MMP16: variants seen among roughly 807,000 people sequenced by gnomAD.
MMP16 encodes the protein matrix metallopeptidase 16.
In MMP16, 12 loss-of-function variants were observed where a neutral mutation model predicts 67.8. The observed-to-expected ratio is 0.18, with a 90% CI of 0.11 to 0.29. MMP16 has a LOEUF of 0.29. Among genes scored for constraint, MMP16 ranks in the 10% least tolerant of loss-of-function variants. The probability of loss-of-function intolerance (pLI) is 1.00; values close to 1 mark genes in which losing one functional copy is unlikely to be tolerated. For synonymous variants in MMP16, 249 were observed against 255.9 expected (o/e 0.97, Z 0.26); for missense variants, 475 against 765.7 (o/e 0.62, Z 4.48).
intron 6 of MMP16, among the ~76,000 whole-genome samples, chr8:88,079,670 C>T (rs1461734387): frequency 6.6e-6 from 1 of 152,158 alleles, no homozygotes; most frequent in Non-Finnish European, 1.5e-5. Context: ...GTTTGTGTCC[C>T]TTCAAATTCT....
At chr8:88,128,554 G>A (rs1263161766) in intron 4 of MMP16, among the ~76,000 whole-genome samples, 3 of 151,268 alleles carry the variant, frequency 2.0e-5, no homozygotes, top group Admixed American at 1.3e-4. Context: ...ACATATTATC[G>A]CAGACTCTTG....
At chr8:88,240,068 CACTT>C (rs889992537) in intron 1 of MMP16, among the ~76,000 whole-genome samples, 44 of 152,270 alleles carry the variant, frequency 2.9e-4, no homozygotes, top group Admixed American at 5.2e-4. Context: ...TTCACTTACT[CACTT>C]AGTGTTGGGA....
chr8:88,267,198 T>C (rs933649480), intron 1 of MMP16, among the ~76,000 whole-genome samples: 23 of 152,222 alleles, frequency 1.5e-4, no homozygotes, highest in African/African-American at 5.1e-4. Flanking sequence ...CAAAACAGTT[T>C]AGAAAATATG....
At chr8:88,127,313 A>G (rs1807951300) in intron 4 of MMP16, among the ~76,000 whole-genome samples, 1 of 151,834 alleles carries the variant, frequency 6.6e-6, no homozygotes. Flanking sequence ...GTATGCAAAT[A>G]TGATTGGAGT....
intron 4 of MMP16, among the ~76,000 whole-genome samples, chr8:88,161,802 G>T (rs760546969): frequency 1.3e-5 from 2 of 151,930 alleles, no homozygotes; most frequent in African/African-American, 4.8e-5. Flanking sequence ...CCTTCATTTC[G>T]TTATGCACCC....
At chr8:88,207,434 C>A (rs1809446564) in intron 1 of MMP16, among the ~76,000 whole-genome samples, 1 of 152,110 alleles carries the variant, frequency 6.6e-6, no homozygotes, top group Non-Finnish European at 1.5e-5. Context: ...TTGCATATCT[C>A]AGTAAAAAGT....
At chr8:88,101,613 C>T (rs1809147008) in intron 6 of MMP16, among the ~76,000 whole-genome samples, 1 of 151,768 alleles carries the variant, frequency 6.6e-6, no homozygotes, top group Non-Finnish European at 1.5e-5. Context: ...GCACCGCAGC[C>T]CAAAGAATGC....
chr8:88,274,541 C>T (rs1470446299), intron 1 of MMP16, among the ~76,000 whole-genome samples: 2 of 151,894 alleles, frequency 1.3e-5, no homozygotes, highest in Non-Finnish European at 2.9e-5. Context: ...AAAGTAGATA[C>T]TAAAAAGAAA....
rs1265301517 is a variant in MMP16 at position 88,040,887 on chromosome 8, G to A, written c.*574C>T. ...TCCCACCTGACAAAATGGTGCGTAGGAGACTATCCAAAGCAGTCAGAGAGC... is the reference window on the plus strand; with the variant it reads ...TCCCACCTGACAAAATGGTGCGTAGAAGACTATCCAAAGCAGTCAGAGAGC... On this transcript the variant is annotated 3_prime_UTR_variant, in exon 10 of 10. Coordinates refer to ENST00000286614, the MANE Select transcript of MMP16 (RefSeq NM_005941.5). The A allele has an allele frequency of 6.6e-6, 1 of 152,572 alleles. No individual in the cohort carries two copies. The allele number at this position is 152,572 out of a possible 1,614,324, so 9.5% of individuals were successfully genotyped here.
intron 4 of MMP16, among the ~76,000 whole-genome samples, chr8:88,153,711 C>T (rs369598940): frequency 2.0e-5 from 3 of 147,374 alleles, no homozygotes; most frequent in East Asian, 4.1e-4. Flanking sequence ...ATACAAAAAT[C>T]AATTCAAGAT....
chr8:88,284,372 T>A (rs1810790399), intron 1 of MMP16, among the ~76,000 whole-genome samples: 1 of 152,152 alleles, frequency 6.6e-6, no homozygotes, highest in South Asian at 2.1e-4. Flanking sequence ...CATATAATTT[T>A]AAAAATTGTT....
rs567727336 is a variant in MMP16, at chr8:88,155,441, T to C, written c.709+12228A>G. Among the ~76,000 whole-genome samples the C allele has an allele frequency of 9.9e-5, 15 of 152,190 alleles. No homozygotes were observed. The South Asian group carries it at 2.9e-3, about 29-fold the overall frequency. ...TTCTTTACTTACAGGATATATGTAT[T>C]TATGGATCTGATTTTATTAATTTTG... is the stretch of plus-strand genomic sequence containing the variant. On this transcript the variant is annotated intron_variant, in intron 4 of 9. Transcript: ENST00000286614.
At chr8:88,180,050 G>A (rs191195818) in intron 3 of MMP16, among the ~76,000 whole-genome samples, 1 of 152,288 alleles carries the variant, frequency 6.6e-6, no homozygotes, top group African/African-American at 2.4e-5. Context: ...GGGAGGCCGA[G>A]GCAGGCGGAT....
At chr8:88,212,457 A>G (rs866726633) in intron 1 of MMP16, among the ~76,000 whole-genome samples, 1 of 152,188 alleles carries the variant, frequency 6.6e-6, no homozygotes, top group African/African-American at 2.4e-5. Context: ...ATATCTGTCC[A>G]TGCTTCAGTT....
In MMP16 at chr8:88,033,990, AG is replaced by A. The variant is rs2118162153; in HGVS notation, c.*7470del. On this transcript the variant is annotated 3_prime_UTR_variant, in exon 10 of 10. Transcript: ENST00000286614. ...ACATTCTCCAAAAGCAAATTTCCTT[AG>A]CTATCCTATCAACAGGCAATACCCA... 6.6e-6 allele frequency: 1 copy of A among 152,204 alleles called. No individual in the cohort carries two copies. Among genetic ancestry groups the A allele is most frequent in the African/African-American group, 2.4e-5 (1 of 41,570 alleles). The allele number at this position is 152,204 out of a possible 1,614,324, so 9.4% of individuals were successfully genotyped here.
At chr8:88,238,695 G>T (rs921009041) in intron 1 of MMP16, among the ~76,000 whole-genome samples, 2 of 150,680 alleles carry the variant, frequency 1.3e-5, no homozygotes, top group Non-Finnish European at 3.0e-5. Flanking sequence ...AAAAGACGTG[G>T]GCTCTTTGTT....
At chr8:88,134,315 A>G (rs1808082261) in intron 4 of MMP16, among the ~76,000 whole-genome samples, 1 of 151,750 alleles carries the variant, frequency 6.6e-6, no homozygotes, top group African/African-American at 2.4e-5. Flanking sequence ...ACTTACATAG[A>G]TAAAGAAATT....
chr8:88,260,183 A>G (rs750796911), intron 1 of MMP16, among the ~76,000 whole-genome samples: 3 of 152,202 alleles, frequency 2.0e-5, no homozygotes, highest in Non-Finnish European at 4.4e-5. Flanking sequence ...ATATTTCTAT[A>G]ATATGGTTCA....
intron 1 of MMP16, among the ~76,000 whole-genome samples, chr8:88,229,192 A>C (rs1809818231): frequency 6.6e-6 from 1 of 151,870 alleles, no homozygotes; most frequent in Admixed American, 6.6e-5. Context: ...ATATGATAAA[A>C]CTGTTGTTAC....
Sources: gnomAD v4.1 joint callset for allele counts (sites outside exome capture counted in the v4.1 genomes callset) on GRCh38, gnomAD v4.1.1 for gene constraint, MANE v1.5 for transcripts, NCBI Gene and HGNC (gene_info 2026-07-23, HGNC 2026-07-21) for gene names.